Variants in MTR observed in about 807,000 individuals in gnomAD.
MTR encodes methionine synthase.
MTR carries 84 observed loss-of-function variants against 154.8 expected under a neutral mutation model. That is an observed-to-expected ratio of 0.54 (90% CI 0.45 to 0.65). The LOEUF is 0.65. MTR is among the 30% of genes least tolerant of loss of function. The pLI is 0.00. For synonymous variants in MTR, 554 were observed against 553.9 expected (o/e 1.00, Z 0.00); for missense variants, 1,275 against 1,570.2 (o/e 0.81, Z 3.18).
At chr1:236,800,899 A>T (rs559945772) in intron 1 of MTR, among the ~76,000 whole-genome samples, 68 of 152,322 alleles carry the variant, frequency 4.5e-4, no homozygotes, top group Non-Finnish European at 7.5e-4. Flanking sequence ...TTGCTGAAGC[A>T]TGGAGAGGAC....
intron 1 of MTR, among the ~76,000 whole-genome samples, chr1:236,799,628 T>C (rs995758307): frequency 6.6e-6 from 1 of 152,180 alleles, no homozygotes; most frequent in Non-Finnish European, 1.5e-5. Context: ...ATTCACATTG[T>C]ATATTACATT....
intron 18 of MTR, among the ~76,000 whole-genome samples, chr1:236,858,961 A>G (rs1255627580): frequency 5.3e-5 from 8 of 152,134 alleles, no homozygotes; most frequent in Non-Finnish European, 7.3e-5. Flanking sequence ...CAAAATTCCT[A>G]TGTACTTAGT....
At chr1:236,803,305 T>C in intron 1 of MTR, 123 bp from the exon 2 acceptor site, 1 of 960,578 alleles carries the variant, frequency 1.0e-6, no homozygotes, top group South Asian at 1.4e-5. Context: ...GAGTTATGAG[T>C]GCATCTTTTA....
chr1:236,818,208 A>G (rs1348972182), intron 8 of MTR, among the ~76,000 whole-genome samples: 1 of 152,268 alleles, frequency 6.6e-6, no homozygotes, highest in Non-Finnish European at 1.5e-5. Flanking sequence ...TACAAAACCA[A>G]GAATGAACCC....
intron 30 of MTR, 101 bp downstream of exon 30, chr1:236,894,658 CTTTT>C: frequency 4.4e-5 from 37 of 849,086 alleles, no homozygotes; most frequent in African/African-American, 5.4e-5. Flanking sequence ...GAACCAGTGT[CTTTT>C]TTTTTTTTTT....
intron 31 of MTR, 26 bp from the exon 32 acceptor site, chr1:236,896,980 C>G (rs1404727668): frequency 3.9e-6 from 6 of 1,539,538 alleles, no homozygotes; most frequent in Non-Finnish European, 5.4e-6. Flanking sequence ...AGTCCATAAG[C>G]ATTTTCCCTG....
At chr1:236,859,739 GAC>G in intron 18 of MTR, 92 bp from the exon 19 acceptor site, 8 of 975,336 alleles carry the variant, frequency 8.2e-6, no homozygotes, top group Non-Finnish European at 1.3e-5. Flanking sequence ...AGAAGAATAA[GAC>G]ACAGGTTTTT....
chr1:236,835,704 G>GT lies in MTR; in HGVS notation c.1329+20dup. ...ATCGCAAAGGTTATACAAAGTTTAT[G>GT]TTTATCAGGGGGATTTACTTGTCTC... On this transcript the variant is annotated intron_variant, in intron 14 of 32. Transcript: ENST00000366577. 1 of 1,613,426 alleles carries GT rather than the reference G, an allele frequency of 6.2e-7. No individual in the cohort carries two copies. The highest frequency in any genetic ancestry group is 1.1e-5 in the South Asian group (1 of 90,998).
chr1:236,890,278 G>A (rs1395985995), intron 28 of MTR, among the ~76,000 whole-genome samples: 2 of 152,122 alleles, frequency 1.3e-5, no homozygotes, highest in Non-Finnish European at 2.9e-5. Flanking sequence ...GCTGTCCAGG[G>A]GCCGTGGGAC....
chr1:236,870,672 A>G (rs1448652061), intron 22 of MTR, among the ~76,000 whole-genome samples: 1 of 151,960 alleles, frequency 6.6e-6, no homozygotes, highest in Non-Finnish European at 1.5e-5. Context: ...TTGTATCTCC[A>G]CTGTGGATCT....
intron 22 of MTR, among the ~76,000 whole-genome samples, chr1:236,868,595 CAA>C (rs1558324369): frequency 6.6e-6 from 1 of 152,042 alleles, no homozygotes; most frequent in Admixed American, 6.6e-5. Context: ...TAGGAAAAGA[CAA>C]AAGAGGACAT....
chr1:236,835,439 A>G, intron 13 of MTR, 108 bp from the exon 14 acceptor site: 1 of 1,365,634 alleles, frequency 7.3e-7, no homozygotes, highest in Non-Finnish European at 1.0e-6. Context: ...CTGGCGAGGT[A>G]GTCTGTGTAA....
At chr1:236,847,350 A>G (rs1208957754) in intron 15 of MTR, among the ~76,000 whole-genome samples, 1 of 152,180 alleles carries the variant, frequency 6.6e-6, no homozygotes. Flanking sequence ...TAAAGAATCT[A>G]GATGTCTTCT....
At chr1:236,806,967 C>T (rs919965725) in intron 3 of MTR, among the ~76,000 whole-genome samples, 3 of 152,098 alleles carry the variant, frequency 2.0e-5, no homozygotes, top group Non-Finnish European at 4.4e-5. Context: ...GTATATACCA[C>T]GTTTTGCTTA....
intron 2 of MTR, among the ~76,000 whole-genome samples, chr1:236,804,757 A>G (rs1267890676): frequency 6.6e-6 from 1 of 152,070 alleles, no homozygotes; most frequent in Non-Finnish European, 1.5e-5. Flanking sequence ...ATAACCACTG[A>G]TATTAGTTGG....
rs1664826970 is a variant in MTR, at chr1:236,866,410, C to T, written c.2405+2856C>T. On this transcript the variant is annotated intron_variant, in intron 22 of 32. Transcript: ENST00000366577. Reference sequence around the variant, plus strand: ...ATATATATTTTGACTGTTCCACTAACCAGCCATTCCCCATCTCTCTCCCTT... The same window carrying T: ...ATATATATTTTGACTGTTCCACTAATCAGCCATTCCCCATCTCTCTCCCTT... 2.6e-5 allele frequency among the ~76,000 whole-genome samples: 4 copies of T among 152,122 alleles called. No individual in the cohort carries two copies. In the South Asian group the frequency reaches 8.3e-4, roughly 32 times the overall value.
intron 30 of MTR, 68 bp downstream of exon 30, chr1:236,894,625 G>A (rs1195787495): frequency 6.5e-7 from 1 of 1,539,114 alleles, no homozygotes; most frequent in Non-Finnish European, 9.0e-7. Context: ...TGGGGTGGGT[G>A]CCTGAAGACT....
At chr1:236,862,871 T>G (rs1441481227) in intron 21 of MTR, among the ~76,000 whole-genome samples, 1 of 152,236 alleles carries the variant, frequency 6.6e-6, no homozygotes. Context: ...CAGACAGCTT[T>G]GGCCCCTAGG....
rs573989594 is a variant in MTR at position 236,867,134 on chromosome 1, A to C, written c.2405+3580A>C. Among the ~76,000 whole-genome samples, 6 of 152,282 alleles carry C rather than the reference A, an allele frequency of 3.9e-5. No individual in the cohort carries two copies. The East Asian group carries it at 1.2e-3, about 29-fold the overall frequency. Reference sequence around the variant, plus strand: ...GAAGTAGGTGCCATGCAGGACTTTCATAGCTAGAGGGGAGAAGTGAATGCC... The same window carrying C: ...GAAGTAGGTGCCATGCAGGACTTTCCTAGCTAGAGGGGAGAAGTGAATGCC... On this transcript the variant is annotated intron_variant, in intron 22 of 32. Transcript: ENST00000366577.
Sources: gnomAD v4.1 joint callset for allele counts (sites outside exome capture counted in the v4.1 genomes callset) on GRCh38, gnomAD v4.1.1 for gene constraint, MANE v1.5 for transcripts, NCBI Gene and HGNC (gene_info 2026-07-23, HGNC 2026-07-21) for gene names.